The following MED20 variants were observed in gnomAD, a reference collection of about 807,000 sequenced individuals.
MED20 encodes mediator complex subunit 20.
A neutral mutation model predicts 19.7 loss-of-function variants in MED20; 19 were observed. The ratio of observed to expected loss-of-function variants is 0.96; its 90% confidence interval spans 0.67 to 1.42. The LOEUF (loss-of-function observed/expected upper bound fraction) is 1.42, where lower values mean the gene tolerates loss of function less well. MED20 is among the 40% of genes most tolerant of loss of function. The probability of loss-of-function intolerance (pLI) is 0.00; values close to 1 mark genes in which losing one functional copy is unlikely to be tolerated. For missense variants in MED20, 225 were observed against 273.0 expected, an observed-to-expected ratio of 0.82 and a Z score of 1.24; for synonymous variants, 105 against 104.8, an observed-to-expected ratio of 1.00 and a Z score of -0.01.
At chr6:41,912,310 G>A (rs1775215344) in intron 2 of MED20, among the ~76,000 whole-genome samples, 1 of 148,904 alleles carries the variant, frequency 6.7e-6, no homozygotes, top group Non-Finnish European at 1.5e-5. Context: ...CAAAGTGCTG[G>A]GATTCACAGG....
intron 1 of MED20, chr6:41,917,896 A>C: frequency 2.5e-6 from 1 of 402,076 alleles, no homozygotes. Flanking sequence ...CCATCATCAC[A>C]GAAAGTGCTA....
chr6:41,915,118 C>G (rs1197451767), intron 2 of MED20, among the ~76,000 whole-genome samples: 1 of 152,166 alleles, frequency 6.6e-6, no homozygotes, highest in Non-Finnish European at 1.5e-5. Context: ...CTTTTAGAAA[C>G]TGCACAAAAC....
At chr6:41,920,967 C>T in intron 1 of MED20, 38 bp downstream of exon 1, 2 of 1,604,120 alleles carry the variant, frequency 1.2e-6, no homozygotes, top group Non-Finnish European at 1.7e-6. Flanking sequence ...CCTTTCACAA[C>T]TCCAAGCCCC....
Position 41,915,736 on chromosome 6 carries a change from G to A in MED20, c.169+1049C>T, listed in dbSNP as rs192627510. The stretch of plus-strand genomic sequence containing the variant: ...CTGGAGGCGGAGCTTGCAGTGAGCC[G>A]AGATTGCGCCACTGCACTCCAGCCT... On this transcript the variant is annotated intron_variant, in intron 2 of 3. Transcript: ENST00000265350. 1.5e-4 allele frequency among the ~76,000 whole-genome samples: 23 copies of A among 150,874 alleles called. No homozygotes were observed. In the East Asian group the frequency reaches 3.7e-3, roughly 24 times the overall value.
intron 2 of MED20, among the ~76,000 whole-genome samples, chr6:41,912,727 G>T (rs1480226927): frequency 6.6e-6 from 1 of 152,090 alleles, no homozygotes; most frequent in Non-Finnish European, 1.5e-5. Flanking sequence ...GCAGAACCAG[G>T]TTTACTATCC....
chr6:41,907,137 G>A lies in MED20; in HGVS notation c.574C>T (p.Gln192Ter). 2 of 1,614,004 alleles carry A rather than the reference G, an allele frequency of 1.2e-6. No homozygotes were observed. Among genetic ancestry groups the A allele is most frequent in the Non-Finnish European group, 1.7e-6 (2 of 1,180,022 alleles). ...AVYGPADTMV[Q>*]YMELFNKIRK... ...ATCTTGTTGAAGAGTTCCATGTACT[G>A]GACCATGGTATCTGCTGGGCCGTAG... is the stretch of plus-strand genomic sequence containing the variant. The change falls in exon 4 of 4, where the codon CAG (glutamine) becomes TAG (stop). Residue 192 changes from glutamine (Q) to a stop codon, truncating the protein, a stop_gained. Transcript: ENST00000265350. LOFTEE classifies it high-confidence loss of function.
intron 2 of MED20, among the ~76,000 whole-genome samples, chr6:41,915,153 G>C (rs1414534548): frequency 6.6e-6 from 1 of 152,168 alleles, no homozygotes; most frequent in African/African-American, 2.4e-5. Context: ...GAACACAAGG[G>C]CCAGGCATGG....
rs1279332215 is a variant in MED20, at chr6:41,909,448, C to T, written c.244G>A (p.Gly82Ser). 6.2e-7 allele frequency: 1 copy of T among 1,614,104 alleles called. No homozygotes were observed. Among genetic ancestry groups the T allele is most frequent in the Non-Finnish European group, 8.5e-7 (1 of 1,180,046 alleles). Reference protein sequence around the residue: ...PLSCFALFENGPCLIADTNFD... With the variant: ...PLSCFALFENSPCLIADTNFD... Reference sequence around the variant, plus strand: ...TTGGTGTCAGCAATAAGGCAAGGGCCATTCTCAAAGAGGGCGAAACAGCTC... The same window carrying T: ...TTGGTGTCAGCAATAAGGCAAGGGCTATTCTCAAAGAGGGCGAAACAGCTC... The change falls in exon 3 of 4, where the codon GGC becomes AGC. Residue 82 changes from glycine (G) to serine (S), a missense_variant. Physicochemically the swap from Gly to Ser is moderately conservative, Grantham distance 56. Coordinates refer to ENST00000265350, the MANE Select transcript of MED20 (RefSeq NM_004275.5).
intron 2 of MED20, chr6:41,913,124 A>T (rs906103646): frequency 1.3e-5 from 2 of 151,338 alleles, no homozygotes; most frequent in Middle Eastern, 3.4e-3. Flanking sequence ...AAAAAAAAAA[A>T]GGTGGGGGGA....
intron 1 of MED20, chr6:41,917,754 C>T (rs1458015364): frequency 2.1e-6 from 1 of 471,076 alleles, no homozygotes; most frequent in Non-Finnish European, 4.4e-6. Context: ...GTTCTGACTA[C>T]ATCAAGGGAA....
chr6:41,910,518 G>T (rs1775164241), intron 2 of MED20, among the ~76,000 whole-genome samples: 1 of 151,638 alleles, frequency 6.6e-6, no homozygotes, highest in Admixed American at 6.6e-5. Context: ...TGTAATCCCA[G>T]CTACTGGGGA....
chr6:41,909,516 G>A lies in MED20; in HGVS notation c.176C>T (p.Thr59Ile), dbSNP rs1050732750. 3 of 1,614,094 alleles carry A rather than the reference G, an allele frequency of 1.9e-6. No homozygotes were observed. The highest frequency in any genetic ancestry group is 2.5e-6 in the Non-Finnish European group (3 of 1,179,942). ...GTGCATCACATACATCAGCTTCCCG[G>A]TCTGACCTGCAAGGGACAGAGATCC... ...AASTLGSQGQ[T>I]GKLMYVMHNS... Residue 59 changes from threonine to isoleucine, a missense_variant, in exon 3 of 4, where the codon ACC (threonine) becomes ATC (isoleucine). Transcript: ENST00000265350.
Position 41,907,079 on chromosome 6 carries a change from A to G in MED20, c.632T>C (p.Ile211Thr), listed in dbSNP as rs768252023. 6.2e-7 allele frequency: 1 copy of G among 1,613,216 alleles called. No homozygotes were observed. The highest frequency in any genetic ancestry group is 1.1e-5 in the South Asian group (1 of 91,040). Reference sequence around the variant, plus strand: ...GCTGGCAGCTGCTCATCACTAACGAATCCCAGCCACCGGCACCTGCTGCTG... The same window carrying G: ...GCTGGCAGCTGCTCATCACTAACGAGTCCCAGCCACCGGCACCTGCTGCTG... ...RKQQQVPVAG[I>T]R Residue 211 changes from isoleucine (I) to threonine (T), a missense_variant, in exon 4 of 4, where the codon ATT (isoleucine) becomes ACT (threonine). Physicochemically the swap from Ile to Thr is moderately conservative, Grantham distance 89 (BLOSUM62 -1). Transcript: ENST00000265350.
Position 41,907,229 on chromosome 6 carries a change from AG to A in MED20, c.481del (p.Leu161TyrfsTer5). The A allele has an allele frequency of 6.2e-7, 1 of 1,614,024 alleles. No homozygotes were observed. Among genetic ancestry groups the A allele is most frequent in the East Asian group, 2.2e-5 (1 of 44,876 alleles). On this transcript the variant is annotated frameshift_variant, in exon 4 of 4. Coordinates refer to ENST00000265350, the MANE Select transcript of MED20 (RefSeq NM_004275.5). LOFTEE classifies it high-confidence loss of function. ...TGTGTGGCTGCCTAGAAAACTCTGT[AG>A]GAACTCGAGCAGCAGACTCCAGCAG... ...SDCWSLLLEF[L>X]QSFLGSHTPG...
intron 2 of MED20, among the ~76,000 whole-genome samples, chr6:41,916,553 C>G (rs1447486188): frequency 6.6e-6 from 1 of 152,052 alleles, no homozygotes; most frequent in African/African-American, 2.4e-5. Context: ...GCACTCCAGC[C>G]TGGGCAACAA....
At chr6:41,914,997 T>C (rs1313093569) in intron 2 of MED20, among the ~76,000 whole-genome samples, 2 of 152,234 alleles carry the variant, frequency 1.3e-5, no homozygotes, top group Non-Finnish European at 2.9e-5. Context: ...GTAGATTATG[T>C]GGCCTACAGC....
In MED20 at chr6:41,917,744, G is replaced by A. The variant is rs191616813; in HGVS notation, c.15-805C>T. ...AGGGATTCCTTTTGCAACTCTTTCA[G>A]TTCTGACTACATCAAGGGAAAAGTC... On this transcript the variant is annotated intron_variant, in intron 1 of 3. Coordinates refer to ENST00000265350, the MANE Select transcript of MED20 (RefSeq NM_004275.5). 2,218 of 470,988 alleles carry A rather than the reference G, an allele frequency of 4.7e-3. 11 individuals carry two copies. Among genetic ancestry groups the A allele is most frequent in the Non-Finnish European group, 7.7e-3 (1,737 of 226,866 alleles). 29.2% of individuals were successfully genotyped at this position (470,988 alleles called of 1,614,324 possible). A position where few individuals can be genotyped will look rare whatever the true frequency, so the allele number is the denominator to read the frequency against.
intron 1 of MED20, chr6:41,917,385 G>A (rs1176006637): frequency 5.6e-6 from 1 of 177,474 alleles, no homozygotes; most frequent in Non-Finnish European, 1.2e-5. Flanking sequence ...GGGCGACAGG[G>A]CGAGACGCCA....
At chr6:41,920,146 A>G (rs1333686246) in intron 1 of MED20, among the ~76,000 whole-genome samples, 5 of 152,180 alleles carry the variant, frequency 3.3e-5, no homozygotes, top group Admixed American at 1.3e-4. Context: ...TTCAACTGAG[A>G]CTTAAAACAT....
Sources: allele counts gnomAD v4.1 joint callset (sites outside exome capture counted in the v4.1 genomes callset), GRCh38; gene constraint gnomAD v4.1.1; transcripts MANE v1.5; gene names NCBI Gene and HGNC (gene_info 2026-07-23, HGNC 2026-07-21).